The following STK32C variants were observed in gnomAD, a reference collection of about 807,000 sequenced individuals.
STK32C encodes the protein serine/threonine kinase 32C.
In STK32C, 31 loss-of-function variants were observed where a neutral mutation model predicts 56.5. That is an observed-to-expected ratio of 0.55 (90% CI 0.41 to 0.74). The LOEUF (loss-of-function observed/expected upper bound fraction) is 0.74, where lower values mean the gene tolerates loss of function less well. STK32C is among the 30% of genes least tolerant of loss of function. The pLI is 0.00. For missense variants in STK32C, 544 were observed against 676.9 expected (o/e 0.80, Z 2.18); for synonymous variants, 309 against 289.4 (o/e 1.07, Z -0.69).
rs761711915 is a variant in STK32C, at chr10:132,263,114, C to T, written c.263-17159G>A. Among the ~76,000 whole-genome samples the T allele has an allele frequency of 1.4e-4, 21 of 152,178 alleles. 1 individual carries two copies. Among genetic ancestry groups the T allele is most frequent in the Non-Finnish European group, 2.6e-4 (18 of 68,044 alleles). ...GGTACGTATCCAAAAGAAAACAAAT[C>T]GTTCTACCAAAAAGACACGCGCATT... On this transcript the variant is annotated intron_variant, in intron 1 of 11. Transcript: ENST00000298630.
At chr10:132,256,273 C>T (rs2064119646) in intron 1 of STK32C, among the ~76,000 whole-genome samples, 1 of 152,156 alleles carries the variant, frequency 6.6e-6, no homozygotes, top group South Asian at 2.1e-4. Flanking sequence ...CTGGTGCCTA[C>T]ACCTCCAGCA....
At chr10:132,293,023 G>A (rs1241056227) in intron 1 of STK32C, among the ~76,000 whole-genome samples, 2 of 152,180 alleles carry the variant, frequency 1.3e-5, no homozygotes, top group South Asian at 2.1e-4. Flanking sequence ...CCCACGCAAC[G>A]TGCAGGGCAA....
At chr10:132,281,008 C>G (rs540863235) in intron 1 of STK32C, among the ~76,000 whole-genome samples, 1 of 147,868 alleles carries the variant, frequency 6.8e-6, no homozygotes, top group African/African-American at 2.5e-5. Context: ...GTGATCACGC[C>G]CCTGCACTCC....
intron 1 of STK32C, among the ~76,000 whole-genome samples, chr10:132,295,524 C>T (rs188869174): frequency 3.3e-5 from 5 of 152,192 alleles, no homozygotes; most frequent in Admixed American, 2.0e-4. Context: ...AAAATCAGCA[C>T]CCATGAGTCT....
At chr10:132,260,201 C>A (rs759908473) in intron 1 of STK32C, among the ~76,000 whole-genome samples, 10 of 152,320 alleles carry the variant, frequency 6.6e-5, no homozygotes, top group South Asian at 2.1e-4. Context: ...CTCCCAGCCA[C>A]GTTGTCAGGG....
chr10:132,288,270 TC>T (rs1756725407), intron 1 of STK32C, among the ~76,000 whole-genome samples: 1 of 152,044 alleles, frequency 6.6e-6, no homozygotes, highest in Admixed American at 6.5e-5. Context: ...CAGGAAAAAA[TC>T]CTTGTGATCA....
intron 1 of STK32C, chr10:132,248,929 G>C (rs1287940526): frequency 1.1e-5 from 5 of 456,374 alleles, no homozygotes; most frequent in Non-Finnish European, 2.2e-5. Context: ...CCCAAGGTTA[G>C]TCCCTCCCGG....
At chr10:132,298,572 TTC>T (rs1240946067) in intron 1 of STK32C, among the ~76,000 whole-genome samples, 1 of 152,096 alleles carries the variant, frequency 6.6e-6, no homozygotes, top group Non-Finnish European at 1.5e-5. Context: ...TCGCTGTGGC[TTC>T]TCGCTCCTGC....
At chr10:132,331,845 C>G, upstream of STK32C, 1 of 1,476,072 alleles carries the variant, frequency 6.8e-7, no homozygotes, top group Non-Finnish European at 9.2e-7. Flanking sequence ...CGCGGAAAAA[C>G]GGATGCTACC....
At chr10:132,270,981 A>AG (rs965537010) in intron 1 of STK32C, among the ~76,000 whole-genome samples, 1 of 152,022 alleles carries the variant, frequency 6.6e-6, no homozygotes, top group African/African-American at 2.4e-5. Context: ...CACCAATCAG[A>AG]GGGGGTGATC....
downstream of STK32C, among the ~76,000 whole-genome samples, chr10:132,323,252 C>T (rs2066442763): frequency 6.6e-6 from 1 of 152,146 alleles, no homozygotes; most frequent in Admixed American, 6.5e-5. This position sits in a 1 kb window ranked among gnomAD's most constrained non-coding sequence, Gnocchi z 4.8. Context: ...ATTCTGGGTC[C>T]AAAACCTGGC....
chr10:132,245,691 A>C (rs553936153), intron 2 of STK32C, among the ~76,000 whole-genome samples: 1 of 152,342 alleles, frequency 6.6e-6, no homozygotes, highest in Non-Finnish European at 1.5e-5. Context: ...AGTTGGTGAC[A>C]CCATGGGGCC....
chr10:132,242,455 A>G (rs928045922), intron 2 of STK32C, among the ~76,000 whole-genome samples: 2 of 152,096 alleles, frequency 1.3e-5, no homozygotes, highest in African/African-American at 4.8e-5. Flanking sequence ...AACTCCCCTC[A>G]TCTGCCTAAA....
rs572631225 is a variant in STK32C, at chr10:132,241,990, G to T, written c.318+3910C>A. Among the ~76,000 whole-genome samples the T allele has an allele frequency of 1.4e-4, 22 of 152,178 alleles. 1 individual carries two copies. The South Asian group carries it at 4.4e-3, about 30-fold the overall frequency. On this transcript the variant is annotated intron_variant, in intron 2 of 11. Coordinates refer to ENST00000298630, the MANE Select transcript of STK32C (RefSeq NM_173575.4). ...CTGAGCATGGTGGCACACGCCTGTA[G>T]TCCCAGCTACTCAGGAGGCTGAGGA...
At position 132,222,803 on chromosome 10, in the gene STK32C, C is replaced by T. The variant is rs747144141; in HGVS notation, c.1120-31G>A. 3.1e-6 allele frequency: 5 copies of T among 1,592,608 alleles called. No individual in the cohort carries two copies. In the South Asian group the frequency reaches 3.4e-5, roughly 11 times the overall value. On this transcript the variant is annotated intron_variant, in intron 9 of 11. Transcript: ENST00000298630. ...GAGGGATGGGTGCTGAGCCCCGGCC[C>T]GTGGAGGACGCCACATCCATCCCCA...
At chr10:132,224,676 C>T (rs565206705) in intron 7 of STK32C, among the ~76,000 whole-genome samples, 153 bp from the exon 8 acceptor site, 4 of 151,808 alleles carry the variant, frequency 2.6e-5, no homozygotes, top group Admixed American at 6.5e-5. Context: ...CCACCTGCCG[C>T]GGAGGAGCCT....
chr10:132,307,797 C>T lies in STK32C; in HGVS notation c.37G>A (p.Ala13Thr). The change falls in exon 1 of 12, where the codon GCG (alanine) becomes ACG (threonine). Residue 13 changes from alanine to threonine, a missense_variant. This residue lies in a region of STK32C where 182 missense variants were observed against 217.7 expected (regional missense o/e 0.84). Coordinates refer to ENST00000298630, the MANE Select transcript of STK32C (RefSeq NM_173575.4). This position sits in a 1 kb window ranked among gnomAD's most constrained non-coding sequence, Gnocchi z 4.4. ...GGGGGCGGCGAGCCCGGGGACGCCG[C>T]GGCGCTGCTGCCCCTGCGCTCGGCG... ...SGAERRGSSA[A>T]ASPGSPPPGR... 1.0e-6 allele frequency: 1 copy of T among 1,000,576 alleles called. No individual in the cohort carries two copies. Among genetic ancestry groups the T allele is most frequent in the Non-Finnish European group, 1.2e-6 (1 of 841,038 alleles). 62.0% of individuals were successfully genotyped at this position (1,000,576 alleles called of 1,614,324 possible). A position where few individuals can be genotyped will look rare whatever the true frequency, so the allele number is the denominator to read the frequency against.
rs566146756 is a variant in STK32C, at chr10:132,247,477, G to A, written c.263-1522C>T. On this transcript the variant is annotated intron_variant, in intron 1 of 11. Transcript: ENST00000298630. ...GGACCCACGGAGGCTTCAGGGCTCC[G>A]AGCACAGGGCAGAGCTGGCCTGAAG... Among the ~76,000 whole-genome samples, 12 of 152,286 alleles carry A rather than the reference G, an allele frequency of 7.9e-5. No homozygotes were observed. The South Asian group carries it at 8.3e-4, about 11-fold the overall frequency.
intron 1 of STK32C, among the ~76,000 whole-genome samples, chr10:132,314,518 G>A (rs2066279480): frequency 6.6e-6 from 1 of 152,158 alleles, no homozygotes; most frequent in Non-Finnish European, 1.5e-5. Flanking sequence ...TACAGTAAAC[G>A]TAAATGGACT....
Sources: allele counts gnomAD v4.1 joint callset (sites outside exome capture counted in the v4.1 genomes callset), GRCh38; gene constraint gnomAD v4.1.1; regional missense constraint gnomAD v4.1.1; non-coding constraint Gnocchi (gnomAD v3.1); transcripts MANE v1.5; gene names NCBI Gene and HGNC (gene_info 2026-07-23, HGNC 2026-07-21).